The following VIRMA variants were observed in gnomAD, a reference collection of about 807,000 sequenced individuals.
The protein encoded by VIRMA is vir like m6A methyltransferase associated.
VIRMA carries 65 observed loss-of-function variants against 182.4 expected under a neutral mutation model. The ratio of observed to expected loss-of-function variants is 0.36; its 90% confidence interval spans 0.29 to 0.44. The LOEUF (loss-of-function observed/expected upper bound fraction) is 0.44, where lower values mean the gene tolerates loss of function less well. Among genes scored for constraint, VIRMA ranks in the 20% least tolerant of loss-of-function variants. The pLI, the probability that VIRMA is intolerant of heterozygous loss-of-function variation, is 1.00. For missense variants in VIRMA, 1,752 were observed against 2,158.1 expected (o/e 0.81, Z 3.73); for synonymous variants, 709 against 743.1 (o/e 0.95, Z 0.75).
At chr8:94,527,511 T>C in intron 7 of VIRMA, 148 bp from the exon 8 acceptor site, 1 of 543,696 alleles carries the variant, frequency 1.8e-6, no homozygotes, top group Non-Finnish European at 3.1e-6. Flanking sequence ...ACCCACAATT[T>C]TACAACATTT....
At chr8:94,501,915 T>C (rs1814000499) in intron 16 of VIRMA, among the ~76,000 whole-genome samples, 1 of 152,218 alleles carries the variant, frequency 6.6e-6, no homozygotes, top group South Asian at 2.1e-4. Context: ...GGTTGTTGGA[T>C]GGAATGTTCT....
At chr8:94,545,632 T>C (rs952617562) in intron 1 of VIRMA, among the ~76,000 whole-genome samples, 11 of 152,122 alleles carry the variant, frequency 7.2e-5, no homozygotes, top group East Asian at 1.9e-4. Flanking sequence ...AGTAGATAAA[T>C]TGCCATGATA....
intron 10 of VIRMA, 77 bp downstream of exon 10, chr8:94,517,711 G>A: frequency 9.9e-7 from 1 of 1,010,544 alleles, no homozygotes; most frequent in South Asian, 1.8e-5. Context: ...GAAACATGAT[G>A]AAGGACTAAT....
intron 3 of VIRMA, 116 bp from the exon 4 acceptor site, chr8:94,537,267 A>G: frequency 1.4e-6 from 1 of 740,690 alleles, no homozygotes; most frequent in Non-Finnish European, 2.3e-6. Context: ...TTTTGTTTTG[A>G]TTCAATAAAC....
intron 13 of VIRMA, chr8:94,510,981 C>G: frequency 7.2e-7 from 1 of 1,382,768 alleles, no homozygotes; most frequent in Non-Finnish European, 9.4e-7. Context: ...ATAAAACTCA[C>G]TTTAACAAAA....
Position 94,509,732 on chromosome 8 carries a change from A to C in VIRMA, c.3835T>G (p.Cys1279Gly). 1 of 1,613,914 alleles carries C rather than the reference A, an allele frequency of 6.2e-7. No homozygotes were observed. The highest frequency in any genetic ancestry group is 8.5e-7 in the Non-Finnish European group (1 of 1,179,898). ...AAAATGGATGTGACATATTCAACAC[A>C]CTGTTGGCGAATAACACTGTCTCCA... ...SPGDSVIRQQCVEYVTSILQS... is the reference protein window; with the variant it reads ...SPGDSVIRQQGVEYVTSILQS... The change falls in exon 15 of 24, where the codon TGT (cysteine) becomes GGT (glycine). Residue 1279 changes from cysteine (C) to glycine (G), a missense_variant. By Grantham distance (159) the Cys-to-Gly change is radical. Transcript: ENST00000297591.
At chr8:94,548,244 T>C (rs77260206) in intron 1 of VIRMA, among the ~76,000 whole-genome samples, 6,144 of 150,938 alleles carry the variant, frequency 0.041, 237 homozygotes, top group Middle Eastern at 0.051. Context: ...AAAATAAGCT[T>C]ACTTTTGAAA....
In VIRMA at chr8:94,510,750, T is replaced by C. The variant is rs1814339507; in HGVS notation, c.3391-98A>G. ...AAGAAATGTTATGAAAAGAACATTTTTACTGCATGCTTAAAACATTTAATT... is the reference window on the plus strand; with the variant it reads ...AAGAAATGTTATGAAAAGAACATTTCTACTGCATGCTTAAAACATTTAATT... On this transcript the variant is annotated intron_variant, in intron 13 of 23. Coordinates refer to ENST00000297591, the MANE Select transcript of VIRMA (RefSeq NM_015496.5). 41 of 890,030 alleles carry C rather than the reference T, an allele frequency of 4.6e-5. No homozygotes were observed. The East Asian group carries it at 1.1e-3, about 23-fold the overall frequency. The allele number at this position is 890,030 out of a possible 1,614,324, so 55.1% of individuals were successfully genotyped here.
At chr8:94,536,898 G>A (rs4373498) in intron 4 of VIRMA, among the ~76,000 whole-genome samples, 44,642 of 151,988 alleles carry the variant, frequency 0.29, 6,927 homozygotes, top group East Asian at 0.5. Context: ...AGAATGGCGT[G>A]AACCTGGGAG....
At position 94,534,889 on chromosome 8, in the gene VIRMA, G is replaced by A. The variant is rs139231722; in HGVS notation, c.434C>T (p.Pro145Leu). The change falls in exon 5 of 24, where the codon CCG becomes CTG. Residue 145 changes from proline (P) to leucine (L), a missense_variant. Pro to Leu is a moderately conservative substitution (Grantham distance 98). This residue lies in a region of VIRMA where 195 missense variants were observed against 191.7 expected (regional missense o/e 1.02). Coordinates refer to ENST00000297591, the MANE Select transcript of VIRMA (RefSeq NM_015496.5). The stretch of plus-strand genomic sequence containing the variant: ...TGGTTGTGGCTGGGGAGGTGGTGGC[G>A]GTGGAGGTGGTGGTGGTGGAGAGTC... Reference protein sequence around the residue: ...DRDSPPPPPPPPPPPQPQPSL... With the variant: ...DRDSPPPPPPLPPPPQPQPSL... The A allele has an allele frequency of 3.9e-4, 629 of 1,612,648 alleles. 2 individuals carry two copies. The highest frequency in any genetic ancestry group is 4.9e-4 in the Non-Finnish European group (577 of 1,179,182).
In VIRMA at chr8:94,512,162, G is replaced by A. The variant is rs549489561; in HGVS notation, c.2752-73C>T. On this transcript the variant is annotated intron_variant, in intron 11 of 23. Coordinates refer to ENST00000297591, the MANE Select transcript of VIRMA (RefSeq NM_015496.5). ...AGATCAACAGAAAATTCCAGACAAG[G>A]AATTACTTGAAAATATGAGCTTCAA... is the stretch of plus-strand genomic sequence containing the variant. 76 of 573,372 alleles carry A rather than the reference G, an allele frequency of 1.3e-4. No homozygotes were observed. The African/African-American group carries it at 1.4e-3, about 11-fold the overall frequency. 35.5% of individuals were successfully genotyped at this position (573,372 alleles called of 1,614,324 possible).
intron 20 of VIRMA, among the ~76,000 whole-genome samples, chr8:94,493,133 A>T (rs905952594): frequency 6.6e-6 from 1 of 152,162 alleles, no homozygotes; most frequent in African/African-American, 2.4e-5. Context: ...TATCTCCTGA[A>T]CTTTTCCAAA....
rs1177935980 is a variant in VIRMA at position 94,529,070 on chromosome 8, C to G, written c.880G>C (p.Gly294Arg). Residue 294 changes from glycine (G) to arginine (R), a missense_variant and splice_region_variant, in exon 7 of 24, where the codon GGG (glycine) becomes CGG (arginine). Coordinates refer to ENST00000297591, the MANE Select transcript of VIRMA (RefSeq NM_015496.5). Reference sequence around the variant, plus strand: ...CAAAGTCCTAGCTAACATAACCCACCTTCACCTTCTTCATCCTCTTCACCT... The same window carrying G: ...CAAAGTCCTAGCTAACATAACCCACGTTCACCTTCTTCATCCTCTTCACCT... ...EEGEEDEEGE[G>R]DDGYEQISSD... 5 of 1,607,408 alleles carry G rather than the reference C, an allele frequency of 3.1e-6. No homozygotes were observed. The African/African-American group carries it at 6.7e-5, about 21-fold the overall frequency.
In VIRMA at chr8:94,507,251, T is replaced by G. The variant is rs547857582; in HGVS notation, c.3880-534A>C. Among the ~76,000 whole-genome samples, 187 of 151,614 alleles carry G rather than the reference T, an allele frequency of 1.2e-3. 2 individuals carry two copies. Among genetic ancestry groups the G allele is most frequent in the African/African-American group, 4.3e-3 (180 of 41,398 alleles). On this transcript the variant is annotated intron_variant, in intron 15 of 23. Transcript: ENST00000297591. ...CCCAGGTTCAAGCAATTCTCCTGCC[T>G]CAGCCTCCCGAGTAGCTGGGATTAT...
chr8:94,542,527 G>A (rs1333185280), intron 2 of VIRMA, among the ~76,000 whole-genome samples: 1 of 152,204 alleles, frequency 6.6e-6, no homozygotes, highest in African/African-American at 2.4e-5. Context: ...TGCTATATTT[G>A]CTAAAATTTG....
chr8:94,544,664 A>C (rs1815698390), intron 1 of VIRMA, among the ~76,000 whole-genome samples: 1 of 28,146 alleles, frequency 3.6e-5, no homozygotes. Context: ...CTCTGTCTCA[A>C]AAAAAAAAAA....
intron 10 of VIRMA, among the ~76,000 whole-genome samples, chr8:94,515,980 C>T (rs1408277047): frequency 1.3e-5 from 2 of 151,748 alleles, no homozygotes; most frequent in Non-Finnish European, 2.9e-5. Context: ...TGGTAGCACG[C>T]ACCTGTAGTC....
chr8:94,498,137 G>A (rs755130122), intron 17 of VIRMA: 4 of 152,212 alleles, frequency 2.6e-5, no homozygotes, highest in African/African-American at 4.8e-5. Context: ...TCCGCCTCCT[G>A]AGCAGCTGGG....
At chr8:94,493,018 A>T (rs1367145336) in intron 20 of VIRMA, among the ~76,000 whole-genome samples, 200 bp from the exon 21 acceptor site, 1 of 152,178 alleles carries the variant, frequency 6.6e-6, no homozygotes, top group African/African-American at 2.4e-5. Flanking sequence ...TAGTAATGCT[A>T]CTTTTTTTGT....
Sources: gnomAD v4.1 joint callset for allele counts (sites outside exome capture counted in the v4.1 genomes callset) on GRCh38, gnomAD v4.1.1 for gene constraint, gnomAD v4.1.1 regional missense constraint, MANE v1.5 for transcripts, NCBI Gene and HGNC (gene_info 2026-07-23, HGNC 2026-07-21) for gene names.